Variants in GTF2H5 observed in about 807,000 individuals in gnomAD.
The protein encoded by GTF2H5 is TFB5 ortholog.
A neutral mutation model predicts 7.1 loss-of-function variants in GTF2H5; 5 were observed. The observed-to-expected ratio is 0.71, with a 90% confidence interval of 0.37 to 1.49. The LOEUF (loss-of-function observed/expected upper bound fraction) is 1.49. GTF2H5 is among the 40% of genes most tolerant of loss of function. GTF2H5 has a pLI of 0.03. For missense variants in GTF2H5, 80 were observed against 83.0 expected (o/e 0.96, Z 0.14); for synonymous variants, 30 against 31.7 (o/e 0.95, Z 0.18).
chr6:158,176,354 G>A (rs948376376), intron 2 of GTF2H5, among the ~76,000 whole-genome samples: 2 of 152,054 alleles, frequency 1.3e-5, no homozygotes, highest in Non-Finnish European at 2.9e-5. Context: ...AGCCTCCCAA[G>A]TAGTTGGGAT....
intron 2 of GTF2H5, among the ~76,000 whole-genome samples, chr6:158,177,815 G>A: frequency 6.6e-6 from 1 of 152,170 alleles, no homozygotes. Context: ...GCGAGAACAT[G>A]CAGTGTTTGG....
intron 1 of GTF2H5, among the ~76,000 whole-genome samples, chr6:158,169,492 A>G (rs1562468314): frequency 1.8e-5 from 1 of 56,186 alleles, no homozygotes; most frequent in African/African-American, 9.8e-5. Context: ...AATATATTGT[A>G]TATTATATAA....
chr6:158,168,940 A>G (rs547011791), intron 1 of GTF2H5, among the ~76,000 whole-genome samples: 1 of 151,480 alleles, frequency 6.6e-6, no homozygotes, highest in South Asian at 2.1e-4. Flanking sequence ...TCCACTAAAA[A>G]TACAATAAAT....
chr6:158,183,027 G>A (rs1003533465), intron 2 of GTF2H5, among the ~76,000 whole-genome samples: 3 of 152,054 alleles, frequency 2.0e-5, no homozygotes, highest in Non-Finnish European at 4.4e-5. Flanking sequence ...TCTATCTTTG[G>A]TCTTTGATGT....
At chr6:158,176,461 G>A (rs529860362) in intron 2 of GTF2H5, among the ~76,000 whole-genome samples, 24 of 152,162 alleles carry the variant, frequency 1.6e-4, no homozygotes, top group Admixed American at 2.6e-4. Context: ...TCCTGACCTC[G>A]TGATCCACCC....
At chr6:158,171,851 G>C (rs1465449883) in intron 2 of GTF2H5, among the ~76,000 whole-genome samples, 1 of 152,144 alleles carries the variant, frequency 6.6e-6, no homozygotes, top group Admixed American at 6.5e-5. Flanking sequence ...CGGGGGAGAG[G>C]TATTCACTTG....
intron 2 of GTF2H5, among the ~76,000 whole-genome samples, chr6:158,173,657 T>C (rs893259708): frequency 2.0e-5 from 3 of 152,228 alleles, no homozygotes; most frequent in East Asian, 1.9e-4. Context: ...AATACCAAAA[T>C]TGAGGCTCAG....
At chr6:158,188,974 C>T (rs905573720) in intron 2 of GTF2H5, among the ~76,000 whole-genome samples, 12 of 111,956 alleles carry the variant, frequency 1.1e-4, no homozygotes, top group African/African-American at 2.1e-4. Flanking sequence ...GCAATCCTTT[C>T]CACTTTGCCC....
At chr6:158,177,189 T>C (rs570081574) in intron 2 of GTF2H5, among the ~76,000 whole-genome samples, 4 of 152,380 alleles carry the variant, frequency 2.6e-5, no homozygotes, top group Admixed American at 1.3e-4. Flanking sequence ...TCTGCCTATA[T>C]CCTCTCACAT....
intron 2 of GTF2H5, among the ~76,000 whole-genome samples, chr6:158,172,164 A>G (rs1275666658): frequency 6.6e-6 from 1 of 151,376 alleles, no homozygotes; most frequent in Non-Finnish European, 1.5e-5. Flanking sequence ...AGATTCATTC[A>G]TCTAGAATTT....
chr6:158,175,723 C>T (rs954011503), intron 2 of GTF2H5, among the ~76,000 whole-genome samples: 2 of 151,374 alleles, frequency 1.3e-5, no homozygotes, highest in Admixed American at 1.3e-4. Context: ...AAGATCATGC[C>T]ACTGCACTCC....
At chr6:158,169,679 A>ATATACAATATATAT (rs1785784132) in intron 1 of GTF2H5, among the ~76,000 whole-genome samples, 2 of 39,904 alleles carry the variant, frequency 5.0e-5, no homozygotes, top group Non-Finnish European at 7.6e-5. Context: ...ATATTATATA[A>ATATACAATATATAT]TATATAATAT....
At chr6:158,175,794 G>C (rs1432165864) in intron 2 of GTF2H5, among the ~76,000 whole-genome samples, 1 of 151,988 alleles carries the variant, frequency 6.6e-6, no homozygotes, top group Non-Finnish European at 1.5e-5. Flanking sequence ...GAAATGATCA[G>C]AACTGCCAAT....
chr6:158,172,634 A>G (rs1785873454), intron 2 of GTF2H5, among the ~76,000 whole-genome samples: 1 of 151,924 alleles, frequency 6.6e-6, no homozygotes, highest in Non-Finnish European at 1.5e-5. Flanking sequence ...TTGTCTGTTC[A>G]TTTTGCCAAA....
In GTF2H5 at chr6:158,184,039, G is replaced by A. The variant is rs532668825; in HGVS notation, c.36-7938G>A. 4.6e-5 allele frequency among the ~76,000 whole-genome samples: 7 copies of A among 152,286 alleles called. 1 individual carries two copies. In the South Asian group the frequency reaches 1.0e-3, roughly 23 times the overall value. ...GTTCCTATTTGGCCATCTTGGAAGTGACTCAGTTGTTCAGCTTTATTTTCC... is the reference window on the plus strand; with the variant it reads ...GTTCCTATTTGGCCATCTTGGAAGTAACTCAGTTGTTCAGCTTTATTTTCC... On this transcript the variant is annotated intron_variant, in intron 2 of 2. Transcript: ENST00000607778.
chr6:158,187,466 T>A (rs1776949409), intron 2 of GTF2H5, among the ~76,000 whole-genome samples: 1 of 152,220 alleles, frequency 6.6e-6, no homozygotes. Context: ...ACAATTTCTT[T>A]CAGGGCCTGC....
chr6:158,186,327 A>G, intron 2 of GTF2H5, among the ~76,000 whole-genome samples: 1 of 152,210 alleles, frequency 6.6e-6, no homozygotes, highest in Middle Eastern at 3.2e-3. Flanking sequence ...AAATTCCCAA[A>G]GTCTTCATAA....
intron 2 of GTF2H5, among the ~76,000 whole-genome samples, chr6:158,173,490 A>T (rs2128429201): frequency 6.6e-6 from 1 of 152,314 alleles, no homozygotes; most frequent in African/African-American, 2.4e-5. Context: ...TGCCAAGGAG[A>T]AGCCTGTTAA....
At chr6:158,190,265 C>A (rs942434344) in intron 2 of GTF2H5, among the ~76,000 whole-genome samples, 4 of 152,184 alleles carry the variant, frequency 2.6e-5, no homozygotes, top group African/African-American at 9.7e-5. Flanking sequence ...TAAAAATCTC[C>A]TCCAGTCTTC....
Sources: allele counts gnomAD v4.1 joint callset (sites outside exome capture counted in the v4.1 genomes callset), GRCh38; gene constraint gnomAD v4.1.1; transcripts MANE v1.5; gene names NCBI Gene and HGNC (gene_info 2026-07-23, HGNC 2026-07-21).